PPME1: variants seen among roughly 807,000 people sequenced by gnomAD.
The protein encoded by PPME1 is protein phosphatase methylesterase 1.
A neutral mutation model predicts 56.9 loss-of-function variants in PPME1; 17 were observed. The observed-to-expected ratio is 0.30, with a 90% CI of 0.20 to 0.45. The LOEUF (loss-of-function observed/expected upper bound fraction) is 0.45, where lower values mean the gene tolerates loss of function less well. Among genes scored for constraint, PPME1 ranks in the 20% least tolerant of loss-of-function variants. The pLI is 1.00. For missense variants in PPME1, 357 were observed against 483.2 expected, an observed-to-expected ratio of 0.74 and a Z score of 2.45; for synonymous variants, 122 against 156.2, an observed-to-expected ratio of 0.78 and a Z score of 1.63.
chr11:74,232,059 C>A (rs1027722163), intron 7 of PPME1, among the ~76,000 whole-genome samples: 4 of 152,168 alleles, frequency 2.6e-5, no homozygotes, highest in Admixed American at 1.3e-4. Context: ...CTTCTAACTC[C>A]ATCTCCAGTC....
Position 74,214,452 on chromosome 11 carries a change from T to C in PPME1, c.289-7860T>C, listed in dbSNP as rs73549016. ...AACTTCCCAAACCTAGAGAAACATATCAGTATTCAAATAAAAGAAGGTTAT... is the reference window on the plus strand; with the variant it reads ...AACTTCCCAAACCTAGAGAAACATACCAGTATTCAAATAAAAGAAGGTTAT... On this transcript the variant is annotated intron_variant, in intron 3 of 13. Coordinates refer to ENST00000328257, the MANE Select transcript of PPME1 (RefSeq NM_016147.3). 3.0e-3 allele frequency among the ~76,000 whole-genome samples: 455 copies of C among 152,132 alleles called. 3 individuals are homozygous for C. The highest frequency in any genetic ancestry group is 0.01 in the African/African-American group (431 of 41,514).
intron 3 of PPME1, among the ~76,000 whole-genome samples, chr11:74,217,637 A>G (rs1858688873): frequency 6.6e-6 from 1 of 152,050 alleles, no homozygotes; most frequent in African/African-American, 2.4e-5. Context: ...ATGCAAATCA[A>G]TCAGTGTGAT....
intron 9 of PPME1, among the ~76,000 whole-genome samples, chr11:74,245,096 C>A (rs1194739750): frequency 6.6e-6 from 1 of 152,072 alleles, no homozygotes; most frequent in Non-Finnish European, 1.5e-5. Context: ...TCAATTACTG[C>A]AGCTTTGTAA....
chr11:74,192,202 G>A (rs998481504), intron 1 of PPME1, among the ~76,000 whole-genome samples: 7 of 152,128 alleles, frequency 4.6e-5, no homozygotes, highest in African/African-American at 1.7e-4. Context: ...GATTATTTTT[G>A]GAGCTTTAAG....
Position 74,247,353 on chromosome 11 carries a change from A to G in PPME1, c.1009+230A>G, listed in dbSNP as rs529686009. The G allele has an allele frequency of 9.3e-4, 475 of 510,986 alleles. 2 individuals are homozygous for G. Among genetic ancestry groups the G allele is most frequent in the South Asian group, 5.8e-3 (198 of 34,186 alleles). 31.7% of individuals were successfully genotyped at this position (510,986 alleles called of 1,614,324 possible). ...AATCCATCCAAAAATGAAGATTATA[A>G]TACTACTACCTATGTCTCAGTTATA... On this transcript the variant is annotated intron_variant, in intron 11 of 13. Coordinates refer to ENST00000328257, the MANE Select transcript of PPME1 (RefSeq NM_016147.3).
intron 7 of PPME1, among the ~76,000 whole-genome samples, chr11:74,232,346 G>A (rs1430447576): frequency 6.6e-6 from 1 of 152,234 alleles, no homozygotes; most frequent in Non-Finnish European, 1.5e-5. Flanking sequence ...TCTGTTAACT[G>A]AATCAGATAT....
chr11:74,235,352 C>T (rs1396038407), intron 7 of PPME1, among the ~76,000 whole-genome samples: 1 of 152,086 alleles, frequency 6.6e-6, no homozygotes, highest in Non-Finnish European at 1.5e-5. Context: ...TTCTGTCACG[C>T]TCCCCTTTTA....
chr11:74,209,427 A>G (rs1220486843), intron 3 of PPME1, among the ~76,000 whole-genome samples: 4 of 152,064 alleles, frequency 2.6e-5, no homozygotes, highest in Admixed American at 2.6e-4. Context: ...TAAACACAAC[A>G]TTTACCCCAC....
chr11:74,198,440 A>G (rs1255099701), intron 1 of PPME1, among the ~76,000 whole-genome samples: 3 of 151,932 alleles, frequency 2.0e-5, no homozygotes, highest in African/African-American at 7.3e-5. Flanking sequence ...TTTACATTTT[A>G]TCGACTCTTC....
rs1157289580 is a variant in PPME1 at position 74,235,919 on chromosome 11, T to C, written c.663T>C (p.Ile221=). The C allele has an allele frequency of 1.9e-6, 3 of 1,612,254 alleles. No homozygotes were observed. The highest frequency in any genetic ancestry group is 2.5e-6 in the Non-Finnish European group (3 of 1,179,280). Residue 221 remains isoleucine, a synonymous_variant, in exon 8 of 14, where the codon ATT becomes ATC. Transcript: ENST00000328257. ...TTCCCAGTGTGAAGAGTGGCCAGAT[T>C]CGAAATCTGGAGTCTGCCCGTGTCT... ...AIEWSVKSGQ[I]RNLESARVSM...
rs1324865154 is a variant in PPME1, at chr11:74,188,762, TTC to T, written c.102-14964_102-14963del. Among the ~76,000 whole-genome samples the T allele has an allele frequency of 2.0e-5, 3 of 152,324 alleles. No homozygotes were observed. The East Asian group carries it at 5.8e-4, about 29-fold the overall frequency. ...AATACTGTTTAAAATTTATTTTCAG[TTC>T]TTTTTTTTCCTTAAAGTATATTTAT... On this transcript the variant is annotated intron_variant, in intron 1 of 13. Transcript: ENST00000328257.
chr11:74,195,935 A>C (rs1015135160), intron 1 of PPME1, among the ~76,000 whole-genome samples: 5 of 152,236 alleles, frequency 3.3e-5, no homozygotes, highest in Non-Finnish European at 7.4e-5. Flanking sequence ...CAAAATTAAA[A>C]AGACAATTAT....
At chr11:74,179,615 G>T (rs922782341) in intron 1 of PPME1, among the ~76,000 whole-genome samples, 1 of 152,234 alleles carries the variant, frequency 6.6e-6, no homozygotes, top group Admixed American at 6.5e-5. Context: ...TAATGGTACT[G>T]TTCAAAACCA....
chr11:74,179,653 G>A (rs1054388166), intron 1 of PPME1, among the ~76,000 whole-genome samples: 30 of 152,166 alleles, frequency 2.0e-4, no homozygotes, highest in Non-Finnish European at 7.4e-5. Context: ...ACACCTAGTT[G>A]TTTCCTTTCA....
At chr11:74,243,590 G>A (rs1859431432) in intron 9 of PPME1, 1 of 152,012 alleles carries the variant, frequency 6.6e-6, no homozygotes, top group African/African-American at 2.4e-5. Context: ...TAACAGTGGA[G>A]AATAGAATTA....
chr11:74,194,288 C>G (rs988998791), intron 1 of PPME1, among the ~76,000 whole-genome samples: 1 of 151,742 alleles, frequency 6.6e-6, no homozygotes, highest in African/African-American at 2.4e-5. Flanking sequence ...CTTTGGGATC[C>G]CAGCTTGATG....
chr11:74,226,842 G>T (rs115637243), intron 5 of PPME1, among the ~76,000 whole-genome samples: 1 of 152,242 alleles, frequency 6.6e-6, no homozygotes, highest in African/African-American at 2.4e-5. Flanking sequence ...TGGAATGAGC[G>T]ATTGGTAGTA....
In PPME1 at chr11:74,171,338, A is replaced by G; in HGVS notation, c.-84A>G. ...AAAGGCGACAGGGCGTCGTTAGGGG[A>G]GCGAGTCGTGACCGGTTGGGCCACA... On this transcript the variant is annotated 5_prime_UTR_variant, in exon 1 of 14. Coordinates refer to ENST00000328257, the MANE Select transcript of PPME1 (RefSeq NM_016147.3). The G allele has an allele frequency of 6.6e-7, 1 of 1,522,548 alleles. No individual in the cohort carries two copies. The highest frequency in any genetic ancestry group is 1.2e-5 in the South Asian group (1 of 80,320). The allele number at this position is 1,522,548 out of a possible 1,614,324, so 94.3% of individuals were successfully genotyped here. A position where few individuals can be genotyped will look rare whatever the true frequency, so the allele number is the denominator to read the frequency against.
intron 5 of PPME1, among the ~76,000 whole-genome samples, chr11:74,229,397 T>C (rs1015659349): frequency 6.6e-6 from 1 of 152,110 alleles, no homozygotes; most frequent in Non-Finnish European, 1.5e-5. Context: ...ACTGTTCTTA[T>C]CCACCTATTG....
Sources: allele counts gnomAD v4.1 joint callset (sites outside exome capture counted in the v4.1 genomes callset), GRCh38; gene constraint gnomAD v4.1.1; transcripts MANE v1.5; gene names NCBI Gene and HGNC (gene_info 2026-07-23, HGNC 2026-07-21).